The following CRACD variants were observed in gnomAD, a reference collection of about 807,000 sequenced individuals.
CRACD encodes the protein capping protein-inhibiting regulator of actin dynamics.
A neutral mutation model predicts 106.8 loss-of-function variants in CRACD; 56 were observed. The observed-to-expected ratio is 0.52, with a 90% CI of 0.42 to 0.66. CRACD has a LOEUF of 0.66. CRACD is among the 30% of genes least tolerant of loss of function. CRACD has a pLI of 0.00. For missense variants in CRACD, 1,730 were observed against 1,623.2 expected, an observed-to-expected ratio of 1.07 and a Z score of -1.13; for synonymous variants, 754 against 670.8, an observed-to-expected ratio of 1.12 and a Z score of -1.92.
At chr4:56,180,759 T>G (rs958359883) in intron 2 of CRACD, among the ~76,000 whole-genome samples, 1 of 152,214 alleles carries the variant, frequency 6.6e-6, no homozygotes, top group South Asian at 2.1e-4. Context: ...TTTATTTCAT[T>G]AAATTCACAT....
At chr4:56,097,880 C>T (rs1733649390) in intron 1 of CRACD, among the ~76,000 whole-genome samples, 1 of 151,978 alleles carries the variant, frequency 6.6e-6, no homozygotes, top group South Asian at 2.1e-4. Context: ...TAGTTGGCAA[C>T]TGTTTTAAAG....
intron 1 of CRACD, among the ~76,000 whole-genome samples, chr4:56,066,046 A>G (rs1732455684): frequency 6.6e-6 from 1 of 152,184 alleles, no homozygotes; most frequent in Admixed American, 6.5e-5. Context: ...GCTGAATAAT[A>G]TTCCATTGTA....
At chr4:56,265,430 G>A (rs35919672) in intron 2 of CRACD, among the ~76,000 whole-genome samples, 69,810 of 151,168 alleles carry the variant, frequency 0.46, 16,368 homozygotes, top group East Asian at 0.63. Context: ...GTGTGTGTGT[G>A]TGTGTGTGTG....
intron 2 of CRACD, among the ~76,000 whole-genome samples, chr4:56,269,693 G>A (rs770193791): frequency 1.3e-5 from 2 of 151,226 alleles, no homozygotes; most frequent in Non-Finnish European, 2.9e-5. Flanking sequence ...AGCCTCCTGA[G>A]TAGCTGGGAC....
chr4:56,125,953 G>A (rs1255246060), intron 1 of CRACD, among the ~76,000 whole-genome samples: 1 of 151,564 alleles, frequency 6.6e-6, no homozygotes, highest in African/African-American at 2.4e-5. Context: ...TGTATTTTTA[G>A]TAGAGACAGG....
At chr4:56,234,701 G>T (rs879638553) in intron 2 of CRACD, among the ~76,000 whole-genome samples, 16 of 152,184 alleles carry the variant, frequency 1.1e-4, no homozygotes, top group Non-Finnish European at 2.1e-4. Flanking sequence ...AGGAAAGGCA[G>T]GGAGTAGGAC....
At chr4:56,266,604 T>C (rs1263920890) in intron 2 of CRACD, among the ~76,000 whole-genome samples, 1 of 152,254 alleles carries the variant, frequency 6.6e-6, no homozygotes, top group Non-Finnish European at 1.5e-5. Context: ...ATTGCAGACG[T>C]GCTCTGTTTC....
intron 1 of CRACD, among the ~76,000 whole-genome samples, chr4:56,110,725 T>C (rs1734090595): frequency 6.6e-6 from 1 of 152,006 alleles, no homozygotes; most frequent in Admixed American, 6.6e-5. Flanking sequence ...GCCTCCCGAG[T>C]AGCTGGGATT....
At chr4:56,104,409 A>G (rs897069342) in intron 1 of CRACD, among the ~76,000 whole-genome samples, 4 of 136,782 alleles carry the variant, frequency 2.9e-5, no homozygotes, top group African/African-American at 1.0e-4. Context: ...AAACAAACAC[A>G]AAAAAACAAA....
intron 1 of CRACD, among the ~76,000 whole-genome samples, chr4:56,091,018 T>A (rs1292341930): frequency 6.6e-6 from 1 of 152,164 alleles, no homozygotes; most frequent in African/African-American, 2.4e-5. Context: ...TTCTGTTGCT[T>A]CACACAATAG....
At chr4:56,058,173 G>A (rs1173726998) in intron 1 of CRACD, among the ~76,000 whole-genome samples, 3 of 151,842 alleles carry the variant, frequency 2.0e-5, no homozygotes, top group African/African-American at 4.8e-5. Flanking sequence ...AGGTTCAAGC[G>A]ATTCTCCTGC....
intron 1 of CRACD, among the ~76,000 whole-genome samples, chr4:56,168,422 A>G (rs551033247): frequency 4.6e-5 from 7 of 152,102 alleles, no homozygotes; most frequent in East Asian, 1.9e-4. Flanking sequence ...TCCTTTTACC[A>G]TATTGCAGAA....
intron 2 of CRACD, among the ~76,000 whole-genome samples, chr4:56,258,080 CA>C (rs568556506): frequency 1.2e-3 from 150 of 123,020 alleles, no homozygotes; most frequent in Non-Finnish European, 1.3e-3. Flanking sequence ...GAAAAAAAAA[CA>C]AAAAAAAAAA....
At chr4:56,128,773 A>G (rs1310249813) in intron 1 of CRACD, among the ~76,000 whole-genome samples, 1 of 152,202 alleles carries the variant, frequency 6.6e-6, no homozygotes, top group Admixed American at 6.5e-5. Context: ...AACCTCCCGC[A>G]TAAAATGTTC....
intron 2 of CRACD, among the ~76,000 whole-genome samples, chr4:56,217,119 A>G (rs1738743883): frequency 6.6e-6 from 1 of 151,998 alleles, no homozygotes; most frequent in South Asian, 2.1e-4. Flanking sequence ...TCCTGGTAGC[A>G]CTGGCTGGGG....
At chr4:56,254,393 TGG>T (rs111592012) in intron 2 of CRACD, among the ~76,000 whole-genome samples, 567 of 38,190 alleles carry the variant, frequency 0.015, 2 homozygotes, top group Admixed American at 0.027. Flanking sequence ...CAGAGTTTTG[TGG>T]GGGTTTTTTT....
intron 3 of CRACD, among the ~76,000 whole-genome samples, chr4:56,290,128 T>C (rs1364279285): frequency 1.3e-5 from 2 of 152,214 alleles, no homozygotes; most frequent in African/African-American, 4.8e-5. Context: ...CCTCCAGGCA[T>C]AGGTGCAGAG....
intron 4 of CRACD, among the ~76,000 whole-genome samples, chr4:56,306,648 C>T (rs1022527083): frequency 6.6e-6 from 1 of 152,164 alleles, no homozygotes. Context: ...GCAATTTTAC[C>T]CCCCAGGGGA....
At chr4:56,261,009 A>G (rs1246993999) in intron 2 of CRACD, among the ~76,000 whole-genome samples, 1 of 152,090 alleles carries the variant, frequency 6.6e-6, no homozygotes, top group Non-Finnish European at 1.5e-5. Context: ...TTTGTCCATC[A>G]GTGTAGCCAG....
Sources: gnomAD v4.1 joint callset for allele counts (sites outside exome capture counted in the v4.1 genomes callset) on GRCh38, gnomAD v4.1.1 for gene constraint, MANE v1.5 for transcripts, NCBI Gene and HGNC (gene_info 2026-07-23, HGNC 2026-07-21) for gene names.